Variants in ADAM12 observed in about 807,000 individuals in gnomAD.
ADAM12 encodes ADAM metallopeptidase domain 12, also known as disintegrin and metalloproteinase domain-containing protein 12.
ADAM12 carries 70 observed loss-of-function variants against 106.4 expected under a neutral mutation model. That is an observed-to-expected ratio of 0.66 (90% CI 0.54 to 0.80). The LOEUF (loss-of-function observed/expected upper bound fraction) is 0.80, where lower values mean the gene tolerates loss of function less well. Ranked by LOEUF, ADAM12 falls within the 30% of genes least tolerant of loss-of-function variation. The pLI is 0.00. For synonymous variants in ADAM12, 420 were observed against 433.5 expected (o/e 0.97, Z 0.39); for missense variants, 1,010 against 1,171.9 (o/e 0.86, Z 2.02).
intron 1 of ADAM12, 25 bp from the exon 2 acceptor site, chr10:126,330,534 A>G (rs772521697): frequency 1.3e-6 from 2 of 1,593,170 alleles, no homozygotes; most frequent in Admixed American, 1.7e-5. Flanking sequence ...AAACAGCCCT[A>G]TATTTCACTC....
chr10:126,119,433 A>G (rs550885881), intron 5 of ADAM12, among the ~76,000 whole-genome samples: 1 of 152,336 alleles, frequency 6.6e-6, no homozygotes, highest in African/African-American at 2.4e-5. Context: ...TTTACTATTA[A>G]TAAGGGCAGA....
chr10:126,086,704 T>TATATATATATATAA (rs752355130), intron 11 of ADAM12, among the ~76,000 whole-genome samples: 227 of 64,068 alleles, frequency 3.5e-3, no homozygotes, highest in East Asian at 7.9e-3. Flanking sequence ...TATATATATA[T>TATATATATATATAA]ATAAAATAAA....
At chr10:126,314,701 T>C (rs1376921956) in intron 2 of ADAM12, among the ~76,000 whole-genome samples, 2 of 152,190 alleles carry the variant, frequency 1.3e-5, no homozygotes, top group South Asian at 2.1e-4. Context: ...TGGCTCCCCA[T>C]TGCCTTCAGA....
intron 1 of ADAM12, among the ~76,000 whole-genome samples, chr10:126,343,279 T>C (rs543961202): frequency 1.3e-5 from 2 of 151,344 alleles, no homozygotes; most frequent in Non-Finnish European, 2.9e-5. Flanking sequence ...ACATGCGGTG[T>C]TTGGTTTTTT....
At chr10:126,369,873 T>A (rs1444976297) in intron 1 of ADAM12, among the ~76,000 whole-genome samples, 2 of 152,180 alleles carry the variant, frequency 1.3e-5, no homozygotes, top group Non-Finnish European at 2.9e-5. Flanking sequence ...GTTAAGAGAC[T>A]TAGTGACTTG....
intron 7 of ADAM12, among the ~76,000 whole-genome samples, chr10:126,108,976 T>C (rs1390881453): frequency 6.6e-6 from 1 of 152,236 alleles, no homozygotes. Flanking sequence ...TCCAAAGCCA[T>C]TTTTCATATC....
chr10:126,258,422 C>T (rs1958935812), intron 3 of ADAM12, among the ~76,000 whole-genome samples: 1 of 146,342 alleles, frequency 6.8e-6, no homozygotes, highest in Non-Finnish European at 1.5e-5. Flanking sequence ...CCACACGCCC[C>T]ACCAGTGTAA....
At chr10:126,040,956 C>T (rs1037144282) in intron 18 of ADAM12, among the ~76,000 whole-genome samples, 2 of 152,238 alleles carry the variant, frequency 1.3e-5, no homozygotes, top group Middle Eastern at 3.4e-3. Context: ...CCAGTCCGCA[C>T]TCTAGAATCT....
intron 2 of ADAM12, among the ~76,000 whole-genome samples, chr10:126,303,065 A>G (rs1960692395): frequency 6.6e-6 from 1 of 152,224 alleles, no homozygotes; most frequent in African/African-American, 2.4e-5. Context: ...AAAATAAGGG[A>G]GACAGGACTG....
intron 21 of ADAM12, among the ~76,000 whole-genome samples, chr10:126,029,141 TTGG>T (rs1181639775): frequency 1.3e-5 from 2 of 152,138 alleles, no homozygotes; most frequent in African/African-American, 4.8e-5. Context: ...TTTTACACTG[TTGG>T]TGGGAGTGTA....
Position 126,370,770 on chromosome 10 carries a change from G to A in ADAM12, c.88+17288C>T, listed in dbSNP as rs141270827. Among the ~76,000 whole-genome samples the A allele has an allele frequency of 1.4e-4, 21 of 152,280 alleles. No homozygotes were observed. The East Asian group carries it at 3.9e-3, about 28-fold the overall frequency. On this transcript the variant is annotated intron_variant, in intron 1 of 22. Coordinates refer to ENST00000448723, the MANE Select transcript of ADAM12 (RefSeq NM_001288973.2). ...ATAGGTCCTCCCTTGGCAGCCCAGT[G>A]GTTTAGCATGTGGGCCCTGAAAATC...
At chr10:126,211,865 G>A (rs985433906) in intron 3 of ADAM12, among the ~76,000 whole-genome samples, 6 of 152,256 alleles carry the variant, frequency 3.9e-5, no homozygotes, top group South Asian at 2.1e-4. Context: ...GAGGGAGACC[G>A]CGTGAGTCGA....
chr10:126,079,593 T>C (rs530748165), intron 11 of ADAM12, among the ~76,000 whole-genome samples: 1 of 152,290 alleles, frequency 6.6e-6, no homozygotes, highest in South Asian at 2.1e-4. Flanking sequence ...ATGATCCAGG[T>C]GATTTTGATG....
chr10:126,379,707 A>G (rs1368711810), intron 1 of ADAM12, among the ~76,000 whole-genome samples: 1 of 151,852 alleles, frequency 6.6e-6, no homozygotes, highest in Non-Finnish European at 1.5e-5. Flanking sequence ...AAAGTTGCTC[A>G]TATATCTAGG....
intron 3 of ADAM12, among the ~76,000 whole-genome samples, chr10:126,268,301 A>C (rs1345392862): frequency 1.3e-5 from 2 of 152,246 alleles, no homozygotes; most frequent in African/African-American, 4.8e-5. Flanking sequence ...GGCATGTGTC[A>C]GAATGTCATT....
At chr10:126,151,155 G>T (rs2133713104) in intron 4 of ADAM12, among the ~76,000 whole-genome samples, 1 of 152,294 alleles carries the variant, frequency 6.6e-6, no homozygotes, top group East Asian at 1.9e-4. Flanking sequence ...ATAAATGTTT[G>T]CTGAGTGAAT....
intron 1 of ADAM12, among the ~76,000 whole-genome samples, chr10:126,336,795 C>T (rs1854714489): frequency 6.6e-6 from 1 of 152,144 alleles, no homozygotes; most frequent in South Asian, 2.1e-4. Flanking sequence ...TTGTAGCTAC[C>T]ACGCTGGCAG....
intron 21 of ADAM12, among the ~76,000 whole-genome samples, chr10:126,023,093 G>A (rs1953800392): frequency 6.6e-6 from 1 of 152,188 alleles, no homozygotes; most frequent in Admixed American, 6.5e-5. Flanking sequence ...ATTCATCACA[G>A]GAAAATGCCA....
intron 2 of ADAM12, among the ~76,000 whole-genome samples, chr10:126,299,267 C>G (rs754873471): frequency 3.9e-5 from 6 of 152,238 alleles, no homozygotes; most frequent in African/African-American, 1.4e-4. Flanking sequence ...CCCCAGGCCT[C>G]GGCATGCCTG....
Sources: allele counts gnomAD v4.1 joint callset (sites outside exome capture counted in the v4.1 genomes callset), GRCh38; gene constraint gnomAD v4.1.1; transcripts MANE v1.5; gene names NCBI Gene and HGNC (gene_info 2026-07-23, HGNC 2026-07-21).